The following IQCB1 variants were observed in gnomAD, a reference collection of about 807,000 sequenced individuals.
IQCB1 encodes IQ motif containing B1, also known as IQ calmodulin-binding motif-containing protein 1.
In IQCB1, 56 loss-of-function variants were observed where a neutral mutation model predicts 84.4. The ratio of observed to expected loss-of-function variants is 0.66; its 90% CI spans 0.54 to 0.83. The LOEUF (loss-of-function observed/expected upper bound fraction) is 0.83. Ranked by LOEUF, IQCB1 falls within the 40% of genes least tolerant of loss-of-function variation. The pLI is 0.00. For missense variants in IQCB1, 629 were observed against 682.1 expected (o/e 0.92, Z 0.87); for synonymous variants, 210 against 234.8 (o/e 0.89, Z 0.96).
chr3:121,814,432 G>A (rs1225293929), intron 5 of IQCB1, among the ~76,000 whole-genome samples: 1 of 152,092 alleles, frequency 6.6e-6, no homozygotes, highest in Admixed American at 6.6e-5. Context: ...CAGAACTGAA[G>A]GAGATAGAGA....
At chr3:121,803,052 C>T (rs958695192) in intron 7 of IQCB1, among the ~76,000 whole-genome samples, 3 of 151,968 alleles carry the variant, frequency 2.0e-5, no homozygotes, top group East Asian at 3.9e-4. Flanking sequence ...AATCCTTTTA[C>T]GTTGCTTTTT....
At chr3:121,822,216 C>T (rs1950299528) in intron 5 of IQCB1, among the ~76,000 whole-genome samples, 1 of 152,236 alleles carries the variant, frequency 6.6e-6, no homozygotes, top group African/African-American at 2.4e-5. Flanking sequence ...AATCTCAGGA[C>T]TTGTTAGCTT....
At chr3:121,833,273 G>A (rs900585122) in intron 2 of IQCB1, among the ~76,000 whole-genome samples, 1 of 152,146 alleles carries the variant, frequency 6.6e-6, no homozygotes, top group Non-Finnish European at 1.5e-5. Context: ...GTTCACAACT[G>A]TATTCCCAGT....
intron 2 of IQCB1, among the ~76,000 whole-genome samples, chr3:121,832,705 T>C (rs1950690472): frequency 6.6e-6 from 1 of 152,220 alleles, no homozygotes; most frequent in African/African-American, 2.4e-5. Context: ...TTTAGAAAGG[T>C]CCTCTCTAAC....
chr3:121,797,326 A>G (rs1949239189), intron 8 of IQCB1, 99 bp from the exon 9 acceptor site: 1 of 575,918 alleles, frequency 1.7e-6, no homozygotes, highest in South Asian at 2.5e-5. Flanking sequence ...GTCTGGCTTA[A>G]AAACAAATGA....
At chr3:121,810,564 T>C (rs1949786398) in intron 5 of IQCB1, among the ~76,000 whole-genome samples, 1 of 151,528 alleles carries the variant, frequency 6.6e-6, no homozygotes, top group African/African-American at 2.4e-5. Context: ...ATGAAAGTAA[T>C]ATACAAATAC....
intron 12 of IQCB1, among the ~76,000 whole-genome samples, chr3:121,785,534 G>A (rs1304308404): frequency 1.3e-5 from 2 of 152,086 alleles, no homozygotes; most frequent in African/African-American, 2.4e-5. Flanking sequence ...ATCAGTTGCA[G>A]TGCCAACAGA....
At chr3:121,783,700 G>A (rs763613238) in intron 12 of IQCB1, among the ~76,000 whole-genome samples, 1 of 151,866 alleles carries the variant, frequency 6.6e-6, no homozygotes, top group African/African-American at 2.4e-5. Flanking sequence ...TGGATTGACT[G>A]CTCTCTATAC....
At chr3:121,806,511 A>G (rs1949604328) in intron 7 of IQCB1, among the ~76,000 whole-genome samples, 1 of 151,952 alleles carries the variant, frequency 6.6e-6, no homozygotes, top group Non-Finnish European at 1.5e-5. Context: ...ATTTGTACCT[A>G]CTTTTCATCC....
chr3:121,809,622 A>C (rs1559785749), intron 5 of IQCB1, among the ~76,000 whole-genome samples: 1 of 152,076 alleles, frequency 6.6e-6, no homozygotes, highest in Non-Finnish European at 1.5e-5. Flanking sequence ...TAGTCAACAA[A>C]TAAATGACAG....
chr3:121,782,471 A>G (rs2108527186), intron 12 of IQCB1, among the ~76,000 whole-genome samples: 1 of 152,394 alleles, frequency 6.6e-6, no homozygotes, highest in Non-Finnish European at 1.5e-5. Flanking sequence ...CATGGCCCAC[A>G]GGCCAAATCC....
At position 121,782,834 on chromosome 3, in the gene IQCB1, C is replaced by G. The variant is rs149436290; in HGVS notation, c.1279-960G>C. Reference sequence around the variant, plus strand: ...AGCTGGGATTACAGGCATGCACCACCACGCCCAGCTAATTTTTGTATTTTT... The same window carrying G: ...AGCTGGGATTACAGGCATGCACCACGACGCCCAGCTAATTTTTGTATTTTT... On this transcript the variant is annotated intron_variant, in intron 12 of 14. Transcript: ENST00000310864. 3.0e-3 allele frequency among the ~76,000 whole-genome samples: 453 copies of G among 152,296 alleles called. 4 individuals carry two copies. In the East Asian group the frequency reaches 0.054, roughly 18 times the overall value.
Position 121,799,355 on chromosome 3 carries a change from C to G in IQCB1, c.607G>C (p.Gly203Arg). Reference sequence around the variant, plus strand: ...AAAATTGAATACAGGGCTTTTCTTCCTATTCTGAGTAAATCACCACTAATA... The same window carrying G: ...AAAATTGAATACAGGGCTTTTCTTCGTATTCTGAGTAAATCACCACTAATA... Reference protein sequence around the residue: ...QINSGDLLRIGRKALYSILDE... With the variant: ...QINSGDLLRIRRKALYSILDE... Residue 203 changes from glycine to arginine, a missense_variant, in exon 8 of 15, where the codon GGA becomes CGA. Transcript: ENST00000310864. 1 of 1,590,146 alleles carries G rather than the reference C, an allele frequency of 6.3e-7. No homozygotes were observed. The highest frequency in any genetic ancestry group is 8.6e-7 in the Non-Finnish European group (1 of 1,160,490).
intron 2 of IQCB1, among the ~76,000 whole-genome samples, chr3:121,832,014 C>T (rs1950660006): frequency 6.6e-6 from 1 of 152,170 alleles, no homozygotes; most frequent in African/African-American, 2.4e-5. Context: ...ACAAGCAACA[C>T]TGCAATGAAT....
At chr3:121,809,538 C>A (rs1213745162) in intron 5 of IQCB1, among the ~76,000 whole-genome samples, 1 of 152,032 alleles carries the variant, frequency 6.6e-6, no homozygotes, top group Non-Finnish European at 1.5e-5. Context: ...GGGCAAAGAT[C>A]GTGTCATTTA....
chr3:121,801,974 G>A (rs899242930), intron 7 of IQCB1, among the ~76,000 whole-genome samples: 7 of 151,616 alleles, frequency 4.6e-5, no homozygotes, highest in East Asian at 3.9e-4. Flanking sequence ...CCTGAATGCC[G>A]GGATAAACCA....
chr3:121,797,007 G>A, intron 9 of IQCB1, 111 bp downstream of exon 9: 1 of 734,306 alleles, frequency 1.4e-6, no homozygotes, highest in African/African-American at 1.7e-5. Flanking sequence ...CTGTTTTGGG[G>A]GTATTTTGCT....
intron 6 of IQCB1, among the ~76,000 whole-genome samples, chr3:121,807,801 C>T (rs987553520): frequency 1.3e-5 from 2 of 151,938 alleles, no homozygotes; most frequent in Non-Finnish European, 2.9e-5. Context: ...TATAAGGAAA[C>T]GGAAATGGCA....
Position 121,790,215 on chromosome 3 carries a change from T to C in IQCB1, c.987A>G (p.Arg329=). The part of the protein sequence containing the change: ...SAVIALQRSF[R]SKRSKMLLEI... The stretch of plus-strand genomic sequence containing the variant: ...CCAGCAACATCTTTGATCGTTTGGA[T>C]CTGTGATGGAAACAGTGTGTTATAC... Residue 329 remains arginine (R), a splice_region_variant and synonymous_variant, in exon 11 of 15, where the codon AGA becomes AGG. Coordinates refer to ENST00000310864, the MANE Select transcript of IQCB1 (RefSeq NM_001023570.4). 1.9e-6 allele frequency: 3 copies of C among 1,613,614 alleles called. No individual in the cohort carries two copies. Among genetic ancestry groups the C allele is most frequent in the Middle Eastern group, 3.3e-4 (2 of 6,060 alleles).
Sources: allele counts gnomAD v4.1 joint callset (sites outside exome capture counted in the v4.1 genomes callset), GRCh38; gene constraint gnomAD v4.1.1; transcripts MANE v1.5; gene names NCBI Gene and HGNC (gene_info 2026-07-23, HGNC 2026-07-21).